The following ITIH6 variants were observed in gnomAD, a reference collection of about 807,000 sequenced individuals.
The protein encoded by ITIH6 is inter-alpha-trypsin inhibitor heavy chain family member 6.
A neutral mutation model predicts 58.2 loss-of-function variants in ITIH6; 60 were observed. The ratio of observed to expected loss-of-function variants is 1.03; its 90% confidence interval spans 0.84 to 1.28. The LOEUF (loss-of-function observed/expected upper bound fraction) is 1.28. ITIH6 is among the 50% of genes most tolerant of loss of function. ITIH6 has a pLI of 0.00. For missense variants in ITIH6, 1,290 were observed against 1,021.1 expected, an observed-to-expected ratio of 1.26 and a Z score of -3.59; for synonymous variants, 493 against 417.4, an observed-to-expected ratio of 1.18 and a Z score of -2.21.
chrX:54,792,543 G>T (rs1929368255), intron 2 of ITIH6, among the ~76,000 whole-genome samples: 1 of 111,314 alleles, frequency 9.0e-6, no homozygotes, highest in African/African-American at 3.3e-5. Flanking sequence ...AAATAATATG[G>T]CCATATTAAT....
At chrX:54,773,452 G>A (rs1377095909) in intron 6 of ITIH6, among the ~76,000 whole-genome samples, 2 of 111,115 alleles carry the variant, frequency 1.8e-5, no homozygotes, top group East Asian at 5.7e-4. Context: ...AGATTAAGGA[G>A]CAAAGCTATA....
At chrX:54,751,462 G>A in intron 11 of ITIH6, 82 bp from the exon 12 acceptor site, 1 of 1,091,128 alleles carries the variant, frequency 9.2e-7, no homozygotes, top group Non-Finnish European at 1.2e-6. Flanking sequence ...GGCAGATGAA[G>A]TAGTGCAGAT....
chrX:54,775,578 C>T (rs1929035808), intron 5 of ITIH6, among the ~76,000 whole-genome samples: 2 of 111,917 alleles, frequency 1.8e-5, no homozygotes, highest in Non-Finnish European at 3.8e-5. Context: ...TCTCTAACTC[C>T]ATTTAACATG....
chrX:54,795,418 G>C lies in ITIH6; in HGVS notation c.257+1524C>G, dbSNP rs139947810. ...AAGTATATATGTTTTGAGAGTATAG[G>C]ATCAAGTTTTTCCTGATAGGTGTGC... On this transcript the variant is annotated intron_variant, in intron 2 of 12. Coordinates refer to ENST00000218436, the MANE Select transcript of ITIH6 (RefSeq NM_198510.3). Among the ~76,000 whole-genome samples, 497 of 111,673 alleles carry C rather than the reference G, an allele frequency of 4.5e-3. 7 individuals carry two copies. The highest frequency in any genetic ancestry group is 0.016 in the African/African-American group (478 of 30,710).
intron 2 of ITIH6, among the ~76,000 whole-genome samples, chrX:54,795,574 T>C (rs1467075785): frequency 8.9e-6 from 1 of 111,955 alleles, no homozygotes; most frequent in Non-Finnish European, 1.9e-5. Context: ...ACCTCTTGTC[T>C]GTCCCTGACA....
intron 5 of ITIH6, among the ~76,000 whole-genome samples, chrX:54,783,644 T>G (rs1409556807): frequency 9.0e-6 from 1 of 111,609 alleles, no homozygotes; most frequent in Non-Finnish European, 1.9e-5. Flanking sequence ...GTGAAACATC[T>G]CTATAATGAA....
At position 54,754,961 on chromosome X, in the gene ITIH6, T is replaced by G. The variant is rs151218836; in HGVS notation, c.3202+56A>C. On this transcript the variant is annotated intron_variant, in intron 9 of 12. Coordinates refer to ENST00000218436, the MANE Select transcript of ITIH6 (RefSeq NM_198510.3). The stretch of plus-strand genomic sequence containing the variant: ...TCTCCCACAATGTCAATAAGAATTC[T>G]AATGGAATGGAAATGAAGGCCCAGG... 0.012 allele frequency: 10,553 copies of G among 905,630 alleles called. 596 individuals are homozygous for G. In the Admixed American group the frequency reaches 0.15, roughly 13 times the overall value. The allele number at this position is 905,630 out of a possible 1,213,427, so 74.6% of individuals were successfully genotyped here. A position where few individuals can be genotyped will look rare whatever the true frequency, so the allele number is the denominator to read the frequency against.
intron 6 of ITIH6, among the ~76,000 whole-genome samples, chrX:54,765,594 C>CTTTTTTTT (rs1178444249): frequency 1.3e-5 from 1 of 79,211 alleles, no homozygotes; most frequent in Non-Finnish European, 2.5e-5. Context: ...TATTTCTTTT[C>CTTTTTTTT]TTTTTTTTTT....
intron 6 of ITIH6, among the ~76,000 whole-genome samples, chrX:54,764,156 TC>T (rs746772104): frequency 1.8e-5 from 2 of 112,277 alleles, no homozygotes; most frequent in Non-Finnish European, 3.8e-5. Context: ...AGAGTATCTG[TC>T]TTTTAATTGG....
chrX:54,792,036 C>T lies in ITIH6; in HGVS notation c.258G>A (p.Met86Ile). 8.5e-7 allele frequency: 1 copy of T among 1,183,151 alleles called. No individual in the cohort carries two copies. The highest frequency in any genetic ancestry group is 1.1e-6 in the Non-Finnish European group (1 of 870,667). Residue 86 changes from methionine (M) to isoleucine (I), a missense_variant and splice_region_variant, in exon 3 of 13, where the codon ATG becomes ATA. Physicochemically the swap from Met to Ile is conservative, Grantham distance 10. Coordinates refer to ENST00000218436, the MANE Select transcript of ITIH6 (RefSeq NM_198510.3). ...PHLAFISNFT[M>I]TINNKVYIAE... ...CAATGTAGACTTTATTGTTGATGGTCCTAATGGGGCAGGAAAGAGGAGGGA... is the reference window on the plus strand; with the variant it reads ...CAATGTAGACTTTATTGTTGATGGTTCTAATGGGGCAGGAAAGAGGAGGGA...
chrX:54,797,697 A>G (rs753790225), intron 1 of ITIH6, among the ~76,000 whole-genome samples: 32 of 111,473 alleles, frequency 2.9e-4, no homozygotes, highest in African/African-American at 1.0e-3. Flanking sequence ...TACAATATCT[A>G]TCTTCTTCCT....
At chrX:54,765,867 C>T (rs1341608149) in intron 6 of ITIH6, among the ~76,000 whole-genome samples, 6 of 109,603 alleles carry the variant, frequency 5.5e-5, no homozygotes, top group African/African-American at 1.3e-4. Context: ...ATTGACTTGG[C>T]AATGCGGGCT....
intron 6 of ITIH6, among the ~76,000 whole-genome samples, chrX:54,763,171 A>T (rs1382398185): frequency 1.8e-5 from 2 of 112,011 alleles, no homozygotes; most frequent in East Asian, 5.6e-4. Context: ...CTTGAGACCC[A>T]CCTTTCTCTA....
Position 54,778,263 on chromosome X carries a change from TG to T in ITIH6, c.787-4067del, listed in dbSNP as rs1929089365. Among the ~76,000 whole-genome samples the T allele has an allele frequency of 3.7e-5, 4 of 108,153 alleles. No homozygotes were observed. The South Asian group carries it at 1.7e-3, about 46-fold the overall frequency. 93.9% of individuals were successfully genotyped at this position (108,153 alleles called of 115,157 possible). ...AGGCTGGAGTGCAGTGGCACGATGT[TG>T]GCTCACTACAACCTCTGCCTCCTGG... On this transcript the variant is annotated intron_variant, in intron 5 of 12. Transcript: ENST00000218436.
Position 54,760,900 on chromosome X carries a change from G to A in ITIH6, c.904-973C>T, listed in dbSNP as rs771486957. Among the ~76,000 whole-genome samples, 21 of 111,372 alleles carry A rather than the reference G, an allele frequency of 1.9e-4. No homozygotes were observed. In the East Asian group the frequency reaches 5.1e-3, roughly 27 times the overall value. ...GTGAATAGTGCCACAATAAACATAC[G>A]TGTGCATGTGTCTTTATAGCAGCAT... On this transcript the variant is annotated intron_variant, in intron 6 of 12. Transcript: ENST00000218436.
chrX:54,796,683 C>T, intron 2 of ITIH6, among the ~76,000 whole-genome samples: 1 of 78,395 alleles, frequency 1.3e-5, no homozygotes, highest in East Asian at 3.7e-4. Context: ...GACTCCATGT[C>T]AAAAAAAAAA....
rs1284569156 is a variant in ITIH6, at chrX:54,774,205, A to C, written c.787-8T>G. On this transcript the variant is annotated splice_polypyrimidine_tract_variant and splice_region_variant and intron_variant, in intron 5 of 12. Transcript: ENST00000218436. ...GAAATAGTCATCGTAAATCTGGACC[A>C]AAAAAAAAAAAAAAAAAGTAGAACC... is the stretch of plus-strand genomic sequence containing the variant. 2.4e-4 allele frequency: 13 copies of C among 53,805 alleles called. No homozygotes were observed. The highest frequency in any genetic ancestry group is 3.7e-4 in the Non-Finnish European group (11 of 29,672). The allele number at this position is 53,805 out of a possible 1,213,427, so 4.4% of individuals were successfully genotyped here. A position where few individuals can be genotyped will look rare whatever the true frequency, so the allele number is the denominator to read the frequency against.
At chrX:54,795,310 C>T (rs948992621) in intron 2 of ITIH6, among the ~76,000 whole-genome samples, 7 of 112,256 alleles carry the variant, frequency 6.2e-5, no homozygotes, top group African/African-American at 1.9e-4. Flanking sequence ...TTTTCCTTAT[C>T]CTTTAGGGAT....
In ITIH6 at chrX:54,751,029, A is replaced by G; in HGVS notation, c.3704T>C (p.Leu1235Pro). The G allele has an allele frequency of 8.5e-7, 1 of 1,175,889 alleles. No individual in the cohort carries two copies. The highest frequency in any genetic ancestry group is 1.1e-6 in the Non-Finnish European group (1 of 876,763). ...LGFYVANGSG[L>P]SPSARGLIGQ... ...TATCAGGCCACGGGCTGAGGGGCTG[A>G]GGCCTGAGCCATTGGCCACGTAGAA... Residue 1235 changes from leucine to proline, a missense_variant, in exon 12 of 13, where the codon CTC becomes CCC. By Grantham distance (98) the Leu-to-Pro change is moderately conservative. Transcript: ENST00000218436.
Sources: allele counts gnomAD v4.1 joint callset (sites outside exome capture counted in the v4.1 genomes callset), GRCh38; gene constraint gnomAD v4.1.1; transcripts MANE v1.5; gene names NCBI Gene and HGNC (gene_info 2026-07-23, HGNC 2026-07-21).